Variants in PTPRN2 observed in about 807,000 individuals in gnomAD.
PTPRN2 encodes the protein receptor-type tyrosine-protein phosphatase N2.
Under a neutral mutation model 118.8 loss-of-function variants are expected in PTPRN2, and 74 were observed. The ratio of observed to expected loss-of-function variants is 0.62; its 90% CI spans 0.52 to 0.76. The LOEUF is 0.76. PTPRN2 is among the 30% of genes least tolerant of loss of function. The pLI is 0.00. For synonymous variants in PTPRN2, 641 were observed against 608.0 expected (o/e 1.05, Z -0.80); for missense variants, 1,481 against 1,394.4 (o/e 1.06, Z -0.99).
rs554186569 is a variant in PTPRN2, at chr7:157,921,029, GA to G, written c.1724-22293del. Among the ~76,000 whole-genome samples, 412 of 152,312 alleles carry G rather than the reference GA, an allele frequency of 2.7e-3. 9 individuals are homozygous for G. The highest frequency in any genetic ancestry group is 0.024 in the Admixed American group (364 of 15,296). On this transcript the variant is annotated intron_variant, in intron 11 of 22. Transcript: ENST00000389418. The stretch of plus-strand genomic sequence containing the variant: ...ATGTCCATACAAAAATATGCACATG[GA>G]TGTTTATTGCAGCTTAGTTCATAAT...
At chr7:158,186,406 G>A (rs73746412) in intron 5 of PTPRN2, among the ~76,000 whole-genome samples, 5,745 of 152,252 alleles carry the variant, frequency 0.038, 380 homozygotes, top group African/African-American at 0.13. Flanking sequence ...GGTGGGAGGA[G>A]AATGGGCTCC....
chr7:158,458,924 C>T (rs1204659834), intron 2 of PTPRN2, among the ~76,000 whole-genome samples: 1 of 152,166 alleles, frequency 6.6e-6, no homozygotes, highest in Non-Finnish European at 1.5e-5. Context: ...GCAGCACAGG[C>T]CAGACAAGGG....
intron 2 of PTPRN2, among the ~76,000 whole-genome samples, chr7:158,318,904 T>C (rs1802574698): frequency 6.6e-6 from 1 of 152,204 alleles, no homozygotes; most frequent in South Asian, 2.1e-4. Flanking sequence ...CTTCGCAACA[T>C]GCAGCTGAGG....
chr7:157,827,754 G>A (rs1029197643), intron 12 of PTPRN2, among the ~76,000 whole-genome samples: 5 of 151,952 alleles, frequency 3.3e-5, no homozygotes, highest in South Asian at 2.1e-4. Flanking sequence ...ACGACTCACC[G>A]TGCCGGGGTG....
chr7:158,317,891 G>A (rs377102713), intron 2 of PTPRN2, among the ~76,000 whole-genome samples: 25 of 152,200 alleles, frequency 1.6e-4, no homozygotes, highest in Admixed American at 3.9e-4. Flanking sequence ...CGACGGGGCC[G>A]GGTGATTAGC....
intron 12 of PTPRN2, among the ~76,000 whole-genome samples, chr7:157,692,626 G>C (rs1797562602): frequency 6.6e-6 from 1 of 152,240 alleles, no homozygotes; most frequent in Admixed American, 6.5e-5. Context: ...AAGCTCCAGG[G>C]CAAAGAAGTG....
chr7:158,121,987 T>A (rs1331356009), intron 9 of PTPRN2, among the ~76,000 whole-genome samples: 1 of 152,198 alleles, frequency 6.6e-6, no homozygotes, highest in Non-Finnish European at 1.5e-5. Flanking sequence ...CCATCATCTG[T>A]CATTCCGAGG....
At chr7:158,030,733 C>A in intron 11 of PTPRN2, 1 of 152,612 alleles carries the variant, frequency 6.6e-6, no homozygotes, top group Non-Finnish European at 1.5e-5. Context: ...CTCTCTGGAG[C>A]CTTCAGAGAT....
rs575452371 is a variant in PTPRN2, at chr7:158,146,211, C to A, written c.911-7696G>T. 1.2e-4 allele frequency among the ~76,000 whole-genome samples: 18 copies of A among 152,248 alleles called. No individual in the cohort carries two copies. In the South Asian group the frequency reaches 2.1e-3, roughly 18 times the overall value. On this transcript the variant is annotated intron_variant, in intron 6 of 22. Transcript: ENST00000389418. Reference sequence around the variant, plus strand: ...GTCACACAAGCTGACAGGCACCTTCCAACTTGCTCAAGATCTAATTCAAGA... The same window carrying A: ...GTCACACAAGCTGACAGGCACCTTCAAACTTGCTCAAGATCTAATTCAAGA...
intron 3 of PTPRN2, among the ~76,000 whole-genome samples, chr7:158,233,724 T>A (rs541508418): frequency 2.9e-4 from 44 of 152,314 alleles, no homozygotes; most frequent in Middle Eastern, 3.4e-3. Context: ...CGAAATATGC[T>A]TCAAAGCTAT....
intron 5 of PTPRN2, among the ~76,000 whole-genome samples, chr7:158,169,722 T>G (rs566973042): frequency 1.3e-5 from 2 of 152,098 alleles, no homozygotes; most frequent in South Asian, 2.1e-4. Flanking sequence ...AGACGGAGTC[T>G]CTCACTGTCG....
chr7:158,377,777 T>C lies in PTPRN2; in HGVS notation c.164-60845A>G, dbSNP rs113751689. Among the ~76,000 whole-genome samples, 1,099 of 152,306 alleles carry C rather than the reference T, an allele frequency of 7.2e-3. 10 individuals are homozygous for C. Among genetic ancestry groups the C allele is most frequent in the African/African-American group, 0.025 (1,047 of 41,570 alleles). Reference sequence around the variant, plus strand: ...TTTCTTACACCCATTCCAGGGACACTACCTGGTAATACCAAGGGACGGGCT... The same window carrying C: ...TTTCTTACACCCATTCCAGGGACACCACCTGGTAATACCAAGGGACGGGCT... On this transcript the variant is annotated intron_variant, in intron 2 of 22. Coordinates refer to ENST00000389418, the MANE Select transcript of PTPRN2 (RefSeq NM_002847.5).
At chr7:157,593,578 A>T (rs1055971059) in intron 17 of PTPRN2, among the ~76,000 whole-genome samples, 1 of 152,222 alleles carries the variant, frequency 6.6e-6, no homozygotes, top group Non-Finnish European at 1.5e-5. Context: ...CCGCCCTCCA[A>T]TTCTGAACAC....
At chr7:157,743,525 G>A (rs1056070121) in intron 12 of PTPRN2, among the ~76,000 whole-genome samples, 1 of 152,222 alleles carries the variant, frequency 6.6e-6, no homozygotes, top group Non-Finnish European at 1.5e-5. Context: ...CTTGTGGCTG[G>A]GATAACAATT....
chr7:157,843,666 T>C (rs187839768), intron 12 of PTPRN2, among the ~76,000 whole-genome samples: 2 of 152,072 alleles, frequency 1.3e-5, no homozygotes, highest in Admixed American at 1.3e-4. Context: ...CGGAAAAAAA[T>C]TTGGGAACAC....
chr7:157,750,775 C>G (rs1034039699), intron 12 of PTPRN2, among the ~76,000 whole-genome samples: 3 of 152,238 alleles, frequency 2.0e-5, no homozygotes, highest in African/African-American at 7.2e-5. Context: ...GCGTTCAGCT[C>G]CTCAGTGGGT....
rs779329229 is a variant in PTPRN2, at chr7:157,603,965, G to A, written c.2418+37C>T. ...ATTTGCCGCGTCCGTGCCACCCAAG[G>A]GAAAGCCTGGGGCCCCTGTCCCGGC... is the stretch of plus-strand genomic sequence containing the variant. On this transcript the variant is annotated intron_variant, in intron 16 of 22. Transcript: ENST00000389418. This position sits in a 1 kb window ranked among gnomAD's most constrained non-coding sequence, Gnocchi z 5.4. 2.1e-5 allele frequency: 33 copies of A among 1,589,080 alleles called. No homozygotes were observed. The highest frequency in any genetic ancestry group is 5.0e-5 in the Admixed American group (3 of 59,826).
intron 1 of PTPRN2, among the ~76,000 whole-genome samples, chr7:158,571,536 T>C (rs1283192554): frequency 1.4e-5 from 2 of 144,574 alleles, no homozygotes; most frequent in African/African-American, 5.3e-5. Context: ...TTTTTTTTTT[T>C]TTTTTTTTTT....
At chr7:158,568,863 C>T (rs1827809835) in intron 1 of PTPRN2, among the ~76,000 whole-genome samples, 1 of 152,056 alleles carries the variant, frequency 6.6e-6, no homozygotes, top group South Asian at 2.1e-4. Flanking sequence ...CACAGGATTA[C>T]ACCTGTAATC....
Sources: allele counts gnomAD v4.1 joint callset (sites outside exome capture counted in the v4.1 genomes callset), GRCh38; gene constraint gnomAD v4.1.1; non-coding constraint Gnocchi (gnomAD v3.1); transcripts MANE v1.5; gene names NCBI Gene and HGNC (gene_info 2026-07-23, HGNC 2026-07-21).